SUMF1: variants seen among roughly 807,000 people sequenced by gnomAD.
SUMF1 encodes the protein sulfatase modifying factor 1.
In SUMF1, 48 loss-of-function variants were observed where a neutral mutation model predicts 47.6. That is an observed-to-expected ratio of 1.01 (90% confidence interval 0.80 to 1.28). The LOEUF (loss-of-function observed/expected upper bound fraction) is 1.28, where lower values mean the gene tolerates loss of function less well. Among genes scored for constraint, SUMF1 ranks in the 50% most tolerant of loss-of-function variants. The pLI is 0.00. For missense variants in SUMF1, 571 were observed against 485.4 expected (o/e 1.18, Z -1.66); for synonymous variants, 230 against 192.1 (o/e 1.20, Z -1.63).
At chr3:4,368,828 C>G (rs1477781379) in intron 8 of SUMF1, among the ~76,000 whole-genome samples, 2 of 152,148 alleles carry the variant, frequency 1.3e-5, no homozygotes, top group Non-Finnish European at 2.9e-5. Flanking sequence ...GCTTGAAACT[C>G]TTGTGCCCTA....
chr3:4,254,038 C>T (rs1696881494), intron 8 of SUMF1, among the ~76,000 whole-genome samples: 1 of 151,102 alleles, frequency 6.6e-6, no homozygotes, highest in Non-Finnish European at 1.5e-5. Context: ...TCCAACAGAC[C>T]TGCAGCTGAG....
intron 8 of SUMF1, among the ~76,000 whole-genome samples, chr3:4,077,971 C>T (rs1292678973): frequency 1.3e-5 from 2 of 151,938 alleles, no homozygotes; most frequent in African/African-American, 4.8e-5. Context: ...TATTTTAGTC[C>T]TTTTCATGGC....
chr3:4,095,709 A>G (rs3914587), intron 8 of SUMF1, among the ~76,000 whole-genome samples: 12,879 of 152,124 alleles, frequency 0.085, 625 homozygotes, highest in Middle Eastern at 0.12. Flanking sequence ...ACCCTCACAA[A>G]TCCACAGTGC....
chr3:4,252,688 T>A (rs781571197), intron 8 of SUMF1, among the ~76,000 whole-genome samples: 1 of 152,126 alleles, frequency 6.6e-6, no homozygotes, highest in Non-Finnish European at 1.5e-5. Flanking sequence ...ATGTGCTACA[T>A]GCACCGGGCC....
intron 8 of SUMF1, among the ~76,000 whole-genome samples, chr3:4,169,100 T>C (rs555128410): frequency 6.6e-6 from 1 of 152,186 alleles, no homozygotes; most frequent in African/African-American, 2.4e-5. Context: ...GATGTCTCTA[T>C]GCAGCTTTCC....
intron 8 of SUMF1, 73 bp downstream of exon 8, chr3:4,376,257 C>T (rs1700324053): frequency 6.5e-7 from 1 of 1,545,478 alleles, no homozygotes; most frequent in East Asian, 2.2e-5. Flanking sequence ...ACATTTGGGG[C>T]TATCATTTAC....
At chr3:4,317,087 CTT>C in intron 8 of SUMF1, 2 of 1,548,984 alleles carry the variant, frequency 1.3e-6, no homozygotes, top group Non-Finnish European at 1.7e-6. Context: ...ATCTCAACAA[CTT>C]TTTGCAGGGA....
At chr3:4,294,508 G>A (rs539894163) in intron 8 of SUMF1, among the ~76,000 whole-genome samples, 1 of 152,158 alleles carries the variant, frequency 6.6e-6, no homozygotes, top group Admixed American at 6.5e-5. Flanking sequence ...AGGCTGCAGT[G>A]AGCCTCTGAG....
intron 8 of SUMF1, among the ~76,000 whole-genome samples, chr3:4,233,869 C>A (rs569911665): frequency 6.6e-6 from 1 of 152,124 alleles, no homozygotes; most frequent in Non-Finnish European, 1.5e-5. Context: ...AGGGTTTGCA[C>A]CGATGCACCA....
intron 3 of SUMF1, among the ~76,000 whole-genome samples, chr3:4,444,464 A>G (rs1380543788): frequency 6.6e-6 from 1 of 152,264 alleles, no homozygotes; most frequent in Non-Finnish European, 1.5e-5. Context: ...TCAATAATAC[A>G]GAAATAGTAC....
At position 4,257,871 on chromosome 3, in the gene SUMF1, G is replaced by C. The variant is rs1271443397; in HGVS notation, c.1014+118459C>G. Among the ~76,000 whole-genome samples, 45 of 151,272 alleles carry C rather than the reference G, an allele frequency of 3.0e-4. 1 individual carries two copies. Among genetic ancestry groups the C allele is most frequent in the African/African-American group, 9.7e-4 (40 of 41,358 alleles). On this transcript the variant is annotated intron_variant and NMD_transcript_variant, in intron 8 of 12. Transcript: ENST00000448413. ...ACCTGACTTCAAACTATACTACAAG[G>C]CTACAGTAACCAAAACAGCATGGTA... is the stretch of plus-strand genomic sequence containing the variant.
At chr3:4,246,740 C>G (rs1696680199) in intron 8 of SUMF1, among the ~76,000 whole-genome samples, 1 of 152,122 alleles carries the variant, frequency 6.6e-6, no homozygotes, top group Non-Finnish European at 1.5e-5. Context: ...GAAGATACTT[C>G]ACTAACCACC....
intron 8 of SUMF1, among the ~76,000 whole-genome samples, chr3:4,153,844 G>T (rs1694393924): frequency 6.6e-6 from 1 of 151,460 alleles, no homozygotes; most frequent in Non-Finnish European, 1.5e-5. Context: ...ATTTTTTAAA[G>T]AAATATATTT....
chr3:4,216,940 G>T (rs1430705826), intron 8 of SUMF1, among the ~76,000 whole-genome samples: 1 of 152,150 alleles, frequency 6.6e-6, no homozygotes, highest in Non-Finnish European at 1.5e-5. Flanking sequence ...TTCAACCATT[G>T]TGGAAGACAG....
chr3:4,214,118 A>C (rs527514830), intron 8 of SUMF1, among the ~76,000 whole-genome samples: 2 of 152,292 alleles, frequency 1.3e-5, no homozygotes, highest in African/African-American at 4.8e-5. Flanking sequence ...TCTTCTCAGA[A>C]CCACATCACA....
intron 8 of SUMF1, among the ~76,000 whole-genome samples, chr3:4,167,619 C>A (rs753008210): frequency 8.5e-5 from 13 of 152,106 alleles, no homozygotes; most frequent in Admixed American, 2.0e-4. Flanking sequence ...TTTACAATCC[C>A]CTTGTAAGAC....
intron 8 of SUMF1, among the ~76,000 whole-genome samples, chr3:4,241,991 C>A (rs1471790383): frequency 6.6e-6 from 1 of 152,134 alleles, no homozygotes; most frequent in Non-Finnish European, 1.5e-5. Context: ...ACCATGTAGT[C>A]CGTTCCCTAC....
chr3:4,297,564 ATTTT>A (rs746612402), intron 8 of SUMF1, among the ~76,000 whole-genome samples: 3 of 113,856 alleles, frequency 2.6e-5, no homozygotes, highest in East Asian at 2.6e-4. Flanking sequence ...CTACACCTGA[ATTTT>A]TTTTTTTTTT....
intron 8 of SUMF1, among the ~76,000 whole-genome samples, chr3:4,204,898 C>A (rs186030657): frequency 6.6e-6 from 1 of 151,844 alleles, no homozygotes; most frequent in East Asian, 1.9e-4. Context: ...TCTGTGTTTT[C>A]TTGAATTTTG....
Sources: gnomAD v4.1 joint callset for allele counts (sites outside exome capture counted in the v4.1 genomes callset) on GRCh38, gnomAD v4.1.1 for gene constraint, MANE v1.5 for transcripts, NCBI Gene and HGNC (gene_info 2026-07-23, HGNC 2026-07-21) for gene names.